Variants in PPARGC1A observed in about 807,000 individuals in gnomAD.
The protein encoded by PPARGC1A is PPARG coactivator 1 alpha, also known as peroxisome proliferator-activated receptor gamma coactivator 1-alpha.
PPARGC1A carries 25 observed loss-of-function variants against 88.7 expected under a neutral mutation model. The ratio of observed to expected loss-of-function variants is 0.28; its 90% confidence interval spans 0.21 to 0.39. The LOEUF (loss-of-function observed/expected upper bound fraction) is 0.39. PPARGC1A is among the 10% of genes least tolerant of loss of function. PPARGC1A has a pLI of 1.00. For missense variants in PPARGC1A, 880 were observed against 968.7 expected, an observed-to-expected ratio of 0.91 and a Z score of 1.22; for synonymous variants, 363 against 355.6, an observed-to-expected ratio of 1.02 and a Z score of -0.24.
intron 2 of PPARGC1A, chr4:23,880,610 AAAAGT>A (rs1715731425): frequency 6.6e-6 from 1 of 152,232 alleles, no homozygotes; most frequent in Non-Finnish European, 1.5e-5. Flanking sequence ...CCAAATGAAG[AAAAGT>A]AAAGTATCTA....
chr4:24,217,456 G>A, the PPARGC1A span, among the ~76,000 whole-genome samples: 1 of 152,182 alleles, frequency 6.6e-6, no homozygotes, highest in African/African-American at 2.4e-5. Flanking sequence ...GAGCATGAAG[G>A]TTTGGAGGGT....
the PPARGC1A span, among the ~76,000 whole-genome samples, chr4:24,361,013 CAAG>C: frequency 9.9e-5 from 15 of 152,262 alleles, no homozygotes; most frequent in Non-Finnish European, 2.1e-4. Context: ...TGGTGGATTA[CAAG>C]AAGGCAGGGG....
At chr4:24,083,095 G>A in the PPARGC1A span, among the ~76,000 whole-genome samples, 1 of 152,078 alleles carries the variant, frequency 6.6e-6, no homozygotes, top group East Asian at 1.9e-4. Flanking sequence ...CACTTGATTT[G>A]AGCACACATG....
At chr4:24,442,458 CA>C in the PPARGC1A span, among the ~76,000 whole-genome samples, 1 of 152,130 alleles carries the variant, frequency 6.6e-6, no homozygotes, top group Admixed American at 6.6e-5. Context: ...AAATGAAGTT[CA>C]AAAAGGTCTC....
At chr4:23,900,900 CAA>C (rs1719254162), upstream of PPARGC1A, among the ~76,000 whole-genome samples, 1 of 152,158 alleles carries the variant, frequency 6.6e-6, no homozygotes, top group South Asian at 2.1e-4. Flanking sequence ...TTATTTGAGC[CAA>C]AAGTCTTTCA....
chr4:24,313,574 AC>A, the PPARGC1A span, among the ~76,000 whole-genome samples: 1 of 152,168 alleles, frequency 6.6e-6, no homozygotes, highest in Non-Finnish European at 1.5e-5. Flanking sequence ...AAACTGCAAA[AC>A]CTCCAGCCAG....
At chr4:24,329,293 G>T in the PPARGC1A span, among the ~76,000 whole-genome samples, 1 of 150,660 alleles carries the variant, frequency 6.6e-6, no homozygotes, top group Non-Finnish European at 1.5e-5. Flanking sequence ...AAAAGACTTA[G>T]CAATTTTGGG....
chr4:24,086,406 C>T, the PPARGC1A span, among the ~76,000 whole-genome samples: 1 of 152,210 alleles, frequency 6.6e-6, no homozygotes, highest in Non-Finnish European at 1.5e-5. Flanking sequence ...TTCAACACTG[C>T]TCTCTTTCCT....
At chr4:24,001,143 A>T in the PPARGC1A span, among the ~76,000 whole-genome samples, 1 of 152,226 alleles carries the variant, frequency 6.6e-6, no homozygotes, top group Non-Finnish European at 1.5e-5. Flanking sequence ...TCCATATATC[A>T]TGTTAAAAAT....
Position 23,814,619 on chromosome 4 carries a change from TAAAAAA to T in PPARGC1A, c.878-20_878-15del. ...GTGGAGTTAGGCCTAAGGCAAAAAT[TAAAAAA>T]AAAAAAAAAAAGAGAGAGAAAGAAA... On this transcript the variant is annotated splice_polypyrimidine_tract_variant and intron_variant, in intron 7 of 12. Transcript: ENST00000264867. 2 of 1,180,950 alleles carry T rather than the reference TAAAAAA, an allele frequency of 1.7e-6. No individual in the cohort carries two copies. The highest frequency in any genetic ancestry group is 2.2e-6 in the Non-Finnish European group (2 of 895,024). 73.2% of individuals were successfully genotyped at this position (1,180,950 alleles called of 1,614,324 possible). A position where few individuals can be genotyped will look rare whatever the true frequency, so the allele number is the denominator to read the frequency against.
At chr4:24,077,624 G>GGTGGGT in the PPARGC1A span, among the ~76,000 whole-genome samples, 14 of 130,902 alleles carry the variant, frequency 1.1e-4, no homozygotes, top group African/African-American at 3.7e-4. Flanking sequence ...TGTGTCTAGG[G>GGTGGGT]GTGTGTGTGT....
the PPARGC1A span, among the ~76,000 whole-genome samples, chr4:24,457,254 G>A: frequency 2.4e-3 from 359 of 152,204 alleles, 2 homozygotes; most frequent in African/African-American, 8.2e-3. Flanking sequence ...TCAGATGTGG[G>A]GAGGGAGAGT....
the PPARGC1A span, among the ~76,000 whole-genome samples, chr4:24,359,471 C>CA: frequency 3.6e-3 from 547 of 152,324 alleles, 27 homozygotes; most frequent in East Asian, 0.081. Flanking sequence ...CTCATGGCAT[C>CA]TGAAACTTAA....
At chr4:23,829,651 G>T in intron 3 of PPARGC1A, 66 bp from the exon 4 acceptor site, 1 of 1,445,928 alleles carries the variant, frequency 6.9e-7, no homozygotes, top group Non-Finnish European at 9.3e-7. Context: ...ATTGGAATAA[G>T]TTATTGAAAT....
the PPARGC1A span, among the ~76,000 whole-genome samples, chr4:24,387,907 A>G: frequency 2.4e-4 from 1 of 4,084 alleles, no homozygotes; most frequent in Non-Finnish European, 3.4e-3. Context: ...AAAGAAAGAG[A>G]AAGAAAGAAA....
At chr4:24,015,189 G>A in the PPARGC1A span, among the ~76,000 whole-genome samples, 1 of 151,986 alleles carries the variant, frequency 6.6e-6, no homozygotes. Flanking sequence ...AATATACACA[G>A]AGACACATAC....
chr4:23,838,952 C>G (rs572796611), intron 2 of PPARGC1A, among the ~76,000 whole-genome samples: 1 of 152,242 alleles, frequency 6.6e-6, no homozygotes, highest in South Asian at 2.1e-4. Flanking sequence ...CTCAGCCACT[C>G]TAACTGAGGA....
chr4:23,867,416 A>C (rs1447980692), intron 2 of PPARGC1A, among the ~76,000 whole-genome samples: 1 of 152,236 alleles, frequency 6.6e-6, no homozygotes. Flanking sequence ...AATGAATGAA[A>C]TCAGTCTCTG....
the PPARGC1A span, among the ~76,000 whole-genome samples, chr4:24,138,171 C>A: frequency 6.6e-6 from 1 of 152,210 alleles, no homozygotes; most frequent in Non-Finnish European, 1.5e-5. Flanking sequence ...AAACACACTG[C>A]CAGGTTTGCA....
Sources: allele counts gnomAD v4.1 joint callset (sites outside exome capture counted in the v4.1 genomes callset), GRCh38; gene constraint gnomAD v4.1.1; transcripts MANE v1.5; gene names NCBI Gene and HGNC (gene_info 2026-07-23, HGNC 2026-07-21).